The following LRRK2 variants were observed in gnomAD, a reference collection of about 807,000 sequenced individuals.
The protein encoded by LRRK2 is leucine-rich repeat serine/threonine-protein kinase 2.
Under a neutral mutation model 302.6 loss-of-function variants are expected in LRRK2, and 203 were observed. The ratio of observed to expected loss-of-function variants is 0.67; its 90% confidence interval spans 0.60 to 0.75. The LOEUF (loss-of-function observed/expected upper bound fraction) is 0.75. Among genes scored for constraint, LRRK2 ranks in the 30% least tolerant of loss-of-function variants. The pLI is 0.00. For missense variants in LRRK2, 2,830 were observed against 2,951.0 expected, an observed-to-expected ratio of 0.96 and a Z score of 0.95; for synonymous variants, 1,066 against 1,031.9, an observed-to-expected ratio of 1.03 and a Z score of -0.63.
At chr12:40,320,246 C>A in intron 34 of LRRK2, 71 bp downstream of exon 34, 1 of 1,279,862 alleles carries the variant, frequency 7.8e-7, no homozygotes, top group Non-Finnish European at 1.1e-6. Context: ...GTCAAACTAA[C>A]TGTAGTCTAT....
rs534156856 is a variant in LRRK2, at chr12:40,355,291, G to A, written c.6770+799G>A. On this transcript the variant is annotated intron_variant, in intron 45 of 50. Transcript: ENST00000298910. ...TTTATTCAAGCCTATCACAGCAGGG[G>A]AGAGAGATCAGACTGAACTAAACTC... 1.9e-3 allele frequency among the ~76,000 whole-genome samples: 285 copies of A among 152,278 alleles called. 2 individuals carry two copies. The highest frequency in any genetic ancestry group is 6.2e-3 in the African/African-American group (258 of 41,552).
intron 12 of LRRK2, 134 bp downstream of exon 12, chr12:40,257,511 T>G: frequency 1.0e-6 from 1 of 982,756 alleles, no homozygotes. Context: ...CATTTTGCAA[T>G]GTAATCTCGT....
intron 4 of LRRK2, among the ~76,000 whole-genome samples, chr12:40,236,677 A>C (rs1049615396): frequency 6.6e-6 from 1 of 152,076 alleles, no homozygotes; most frequent in Non-Finnish European, 1.5e-5. Context: ...GAAGGTTTGA[A>C]TTGTCCTCAT....
At chr12:40,229,446 A>T (rs767665344) in intron 2 of LRRK2, among the ~76,000 whole-genome samples, 7 of 152,158 alleles carry the variant, frequency 4.6e-5, no homozygotes, top group Non-Finnish European at 1.0e-4. Context: ...CATAAATGAC[A>T]GTCTTTAGAA....
chr12:40,258,751 A>G (rs1942636546), intron 12 of LRRK2, among the ~76,000 whole-genome samples: 1 of 152,210 alleles, frequency 6.6e-6, no homozygotes, highest in Admixed American at 6.5e-5. Context: ...GGAGGCTCCA[A>G]TGGAGGGATG....
At chr12:40,316,374 A>G in intron 33 of LRRK2, 1 of 980,206 alleles carries the variant, frequency 1.0e-6, no homozygotes, top group Non-Finnish European at 1.2e-6. Flanking sequence ...ATCAGCAATT[A>G]TTTGCAGTGT....
At chr12:40,269,346 G>A (rs1016122541) in intron 14 of LRRK2, among the ~76,000 whole-genome samples, 2 of 152,104 alleles carry the variant, frequency 1.3e-5, no homozygotes, top group African/African-American at 4.8e-5. Context: ...TAGTAGTTAG[G>A]TTGAAGCATG....
Position 40,298,415 on chromosome 12 carries a change from T to C in LRRK2, c.3269T>C (p.Leu1090Pro). ...VKCPTLKQFN[L>P]SYNQLSFVPE... ...TGTCCAACTCTGAAACAGTTTAACC[T>C]GTCATATAACCAGCTGTCTTTTGTA... is the stretch of plus-strand genomic sequence containing the variant. Residue 1090 changes from leucine to proline, a missense_variant, in exon 24 of 51, where the codon CTG (leucine) becomes CCG (proline). Around this residue, in one of 3 missense-constraint regions of LRRK2, gnomAD observed 2,121 missense variants for 2,148.0 expected, o/e 0.99. Transcript: ENST00000298910. 6.2e-7 allele frequency: 1 copy of C among 1,613,968 alleles called. No homozygotes were observed. Among genetic ancestry groups the C allele is most frequent in the Non-Finnish European group, 8.5e-7 (1 of 1,179,962 alleles).
intron 4 of LRRK2, among the ~76,000 whole-genome samples, chr12:40,237,599 T>C (rs1312579676): frequency 6.6e-6 from 1 of 152,150 alleles, no homozygotes; most frequent in Non-Finnish European, 1.5e-5. Context: ...GTATCATTGA[T>C]GAAGACAGGG....
chr12:40,242,686 A>AG (rs772740189), intron 6 of LRRK2, among the ~76,000 whole-genome samples: 16 of 151,544 alleles, frequency 1.1e-4, no homozygotes, highest in Non-Finnish European at 1.9e-4. Context: ...GGAAAAAAAA[A>AG]CAATGCAAAA....
At chr12:40,367,169 A>G in intron 50 of LRRK2, 92 bp downstream of exon 50, 1 of 1,050,068 alleles carries the variant, frequency 9.5e-7, no homozygotes, top group East Asian at 2.6e-5. Flanking sequence ...AGAAAATATT[A>G]CATATGGTAT....
At chr12:40,306,023 C>A in intron 28 of LRRK2, 57 bp downstream of exon 28, 1 of 1,350,622 alleles carries the variant, frequency 7.4e-7, no homozygotes, top group Non-Finnish European at 1.0e-6. Context: ...TTTCTACTCT[C>A]TGTGACTTTG....
chr12:40,238,183 T>G (rs1331638793), intron 5 of LRRK2, 80 bp downstream of exon 5: 14 of 1,403,808 alleles, frequency 1.0e-5, no homozygotes, highest in African/African-American at 4.3e-5. Context: ...ACAGTTATAA[T>G]AAGAAGAAGG....
intron 20 of LRRK2, among the ~76,000 whole-genome samples, chr12:40,291,558 C>T (rs1022650098): frequency 4.0e-5 from 6 of 151,506 alleles, no homozygotes; most frequent in Non-Finnish European, 7.4e-5. Flanking sequence ...TTATTGGTTT[C>T]AGTTTGACTT....
At position 40,309,105 on chromosome 12, in the gene LRRK2, G is replaced by A; in HGVS notation, c.4190-1G>A. 1 of 1,613,336 alleles carries A rather than the reference G, an allele frequency of 6.2e-7. No individual in the cohort carries two copies. The highest frequency in any genetic ancestry group is 8.5e-7 in the Non-Finnish European group (1 of 1,179,664). On this transcript the variant is annotated splice_acceptor_variant, in intron 29 of 50. Coordinates refer to ENST00000298910, the MANE Select transcript of LRRK2 (RefSeq NM_198578.4). LOFTEE classifies it high-confidence loss of function. ...AAAATTTGTCTCTAATCTTTATTTA[G>A]GTCGTGAGGAATTCTATAGTACTCA...
intron 39 of LRRK2, among the ~76,000 whole-genome samples, chr12:40,332,664 A>G (rs1945744867): frequency 6.6e-6 from 1 of 152,186 alleles, no homozygotes; most frequent in South Asian, 2.1e-4. Flanking sequence ...ATTAGTAACA[A>G]CAGTCACACT....
chr12:40,321,224 G>C, intron 35 of LRRK2, 36 bp downstream of exon 35: 1 of 1,575,388 alleles, frequency 6.3e-7, no homozygotes, highest in Non-Finnish European at 8.7e-7. Flanking sequence ...GATTTTTAGA[G>C]ACTATTAATT....
At chr12:40,292,864 C>T (rs1307955211) in intron 20 of LRRK2, among the ~76,000 whole-genome samples, 2 of 151,708 alleles carry the variant, frequency 1.3e-5, no homozygotes, top group Non-Finnish European at 2.9e-5. Flanking sequence ...TTTGAAAGTA[C>T]TGCCTTTTCC....
At chr12:40,263,741 A>T in intron 13 of LRRK2, 48 bp from the exon 14 acceptor site, 1 of 1,367,554 alleles carries the variant, frequency 7.3e-7, no homozygotes, top group Non-Finnish European at 1.0e-6. Context: ...GTTCAACTCA[A>T]ATGTTTATAA....
Sources: allele counts gnomAD v4.1 joint callset (sites outside exome capture counted in the v4.1 genomes callset), GRCh38; gene constraint gnomAD v4.1.1; regional missense constraint gnomAD v4.1.1; transcripts MANE v1.5; gene names NCBI Gene and HGNC (gene_info 2026-07-23, HGNC 2026-07-21).